The following PXDNL variants were observed in gnomAD, a reference collection of about 807,000 sequenced individuals.
The protein encoded by PXDNL is peroxidasin like, also known as probable oxidoreductase PXDNL.
Under a neutral mutation model 150.8 loss-of-function variants are expected in PXDNL, and 145 were observed. The ratio of observed to expected loss-of-function variants is 0.96; its 90% CI spans 0.84 to 1.10. The LOEUF is 1.10. Among genes scored for constraint, PXDNL ranks in the 50% least tolerant of loss-of-function variants. The probability of loss-of-function intolerance (pLI) is 0.00; values close to 1 mark genes in which losing one functional copy is unlikely to be tolerated. For missense variants in PXDNL, 2,087 were observed against 1,873.9 expected, an observed-to-expected ratio of 1.11 and a Z score of -2.10; for synonymous variants, 757 against 725.7, an observed-to-expected ratio of 1.04 and a Z score of -0.69.
chr8:51,456,680 T>G (rs768080154), intron 9 of PXDNL, among the ~76,000 whole-genome samples: 25 of 152,368 alleles, frequency 1.6e-4, no homozygotes, highest in South Asian at 1.2e-3. Flanking sequence ...CTACTGTGTC[T>G]GCACGCTAGA....
At chr8:51,796,298 T>A (rs1431819001) in intron 1 of PXDNL, among the ~76,000 whole-genome samples, 1 of 130,342 alleles carries the variant, frequency 7.7e-6, no homozygotes, top group Non-Finnish European at 1.6e-5. Flanking sequence ...ATAACCAAGA[T>A]CAGAGTGGAA....
chr8:51,770,233 C>T (rs977023507), intron 1 of PXDNL, among the ~76,000 whole-genome samples: 1 of 152,210 alleles, frequency 6.6e-6, no homozygotes, highest in African/African-American at 2.4e-5. Flanking sequence ...CCACTGCAAA[C>T]TTGTCATGTC....
chr8:51,659,843 A>C (rs1344591785), intron 1 of PXDNL, among the ~76,000 whole-genome samples: 1 of 151,566 alleles, frequency 6.6e-6, no homozygotes. Context: ...TGACTGTCCA[A>C]TTCACAAATT....
intron 2 of PXDNL, among the ~76,000 whole-genome samples, chr8:51,605,535 T>A (rs530927507): frequency 1.3e-5 from 2 of 152,074 alleles, no homozygotes; most frequent in African/African-American, 4.8e-5. Context: ...CAAGGCTATG[T>A]TTAATATCAA....
chr8:51,568,135 T>C (rs7822112), intron 3 of PXDNL, among the ~76,000 whole-genome samples: 10,737 of 151,776 alleles, frequency 0.071, 961 homozygotes, highest in African/African-American at 0.22. Flanking sequence ...TGAACAAATT[T>C]TTATCCGTTA....
chr8:51,467,239 C>T (rs1008073789), intron 8 of PXDNL, among the ~76,000 whole-genome samples: 2 of 152,190 alleles, frequency 1.3e-5, no homozygotes, highest in Admixed American at 6.5e-5. Flanking sequence ...TCCTTTGCAA[C>T]AACTTGAATG....
chr8:51,523,671 C>A, intron 4 of PXDNL, among the ~76,000 whole-genome samples: 1 of 152,226 alleles, frequency 6.6e-6, no homozygotes, highest in African/African-American at 2.4e-5. Context: ...CCCAGTATTA[C>A]TGCAAACTGC....
chr8:51,760,910 G>A (rs2037157096), intron 1 of PXDNL, among the ~76,000 whole-genome samples: 1 of 121,052 alleles, frequency 8.3e-6, no homozygotes, highest in Non-Finnish European at 1.6e-5. Flanking sequence ...CCAGGCTGGA[G>A]TGCAGTGGCG....
At chr8:51,732,982 C>G (rs144708138) in intron 1 of PXDNL, among the ~76,000 whole-genome samples, 68 of 152,288 alleles carry the variant, frequency 4.5e-4, no homozygotes, top group Non-Finnish European at 6.5e-4. Flanking sequence ...ACAATCTGTT[C>G]TTTTCTGTTC....
chr8:51,323,200 C>T (rs1395776370), intron 21 of PXDNL, among the ~76,000 whole-genome samples: 3 of 152,160 alleles, frequency 2.0e-5, no homozygotes, highest in African/African-American at 7.2e-5. Flanking sequence ...AAACTTTAGG[C>T]ACTTAGGACA....
intron 12 of PXDNL, among the ~76,000 whole-genome samples, chr8:51,429,823 A>G (rs1480736974): frequency 6.6e-6 from 1 of 151,996 alleles, no homozygotes; most frequent in Non-Finnish European, 1.5e-5. Flanking sequence ...AGTAAACATG[A>G]AACATTTATT....
At chr8:51,725,356 A>C (rs1265650786) in intron 1 of PXDNL, among the ~76,000 whole-genome samples, 2 of 152,256 alleles carry the variant, frequency 1.3e-5, no homozygotes, top group Non-Finnish European at 2.9e-5. Context: ...ATTAGAAATA[A>C]AAGATGTGTT....
intron 2 of PXDNL, among the ~76,000 whole-genome samples, chr8:51,615,869 A>AT (rs1185701803): frequency 6.6e-6 from 1 of 152,310 alleles, no homozygotes; most frequent in East Asian, 1.9e-4. Context: ...TCAGTGCATG[A>AT]TGACAGTGCA....
intron 19 of PXDNL, among the ~76,000 whole-genome samples, chr8:51,371,651 A>G (rs886607625): frequency 6.6e-6 from 1 of 152,228 alleles, no homozygotes; most frequent in Non-Finnish European, 1.5e-5. Flanking sequence ...AAGAGTCCCC[A>G]TTCTAACAAG....
intron 6 of PXDNL, among the ~76,000 whole-genome samples, chr8:51,476,929 C>A (rs1810491938): frequency 6.6e-6 from 1 of 152,066 alleles, no homozygotes; most frequent in Non-Finnish European, 1.5e-5. Flanking sequence ...AAAGTCCTTA[C>A]AAACATGGAA....
rs1416734954 is a variant in PXDNL at position 51,449,023 on chromosome 8, C to G, written c.1345G>C (p.Val449Leu). ...LCEADGNPPPVIVWTKTGGQL... is the reference protein window; with the variant it reads ...LCEADGNPPPLIVWTKTGGQL... ...ATACCTGTTTTTGTCCAGACAATAA[C>G]AGGAGGTGGGTTGCCGTCAGCTTCA... The change falls in exon 11 of 23, where the codon GTT becomes CTT. Residue 449 changes from valine to leucine, a missense_variant. Val to Leu is a conservative substitution (Grantham distance 32). Coordinates refer to ENST00000356297, the MANE Select transcript of PXDNL (RefSeq NM_144651.5). 6.5e-7 allele frequency: 1 copy of G among 1,546,776 alleles called. No homozygotes were observed. Among genetic ancestry groups the G allele is most frequent in the South Asian group, 1.2e-5 (1 of 84,008 alleles).
intron 2 of PXDNL, among the ~76,000 whole-genome samples, chr8:51,633,008 G>A (rs563582682): frequency 6.6e-4 from 100 of 152,014 alleles, no homozygotes; most frequent in Non-Finnish European, 1.1e-3. Flanking sequence ...GATAGTGATC[G>A]CATTACACAA....
intron 19 of PXDNL, among the ~76,000 whole-genome samples, chr8:51,359,777 C>G (rs1371213740): frequency 6.6e-6 from 1 of 151,980 alleles, no homozygotes; most frequent in Admixed American, 6.6e-5. Context: ...ATTAGAGAAC[C>G]CTATTTAAGC....
intron 22 of PXDNL, 36 bp downstream of exon 22, chr8:51,320,748 A>AAG: frequency 6.8e-7 from 1 of 1,473,266 alleles, no homozygotes; most frequent in Non-Finnish European, 9.5e-7. Flanking sequence ...CTAGAAGTGA[A>AAG]ATGGGGAGTT....
Sources: allele counts gnomAD v4.1 joint callset (sites outside exome capture counted in the v4.1 genomes callset), GRCh38; gene constraint gnomAD v4.1.1; transcripts MANE v1.5; gene names NCBI Gene and HGNC (gene_info 2026-07-23, HGNC 2026-07-21).